ZYG11B: variants seen among roughly 807,000 people sequenced by gnomAD.
The protein encoded by ZYG11B is zyg-11 family member B, cell cycle regulator, also known as protein zyg-11 homolog B.
A neutral mutation model predicts 82.4 loss-of-function variants in ZYG11B; 36 were observed. The ratio of observed to expected loss-of-function variants is 0.44; its 90% CI spans 0.33 to 0.58. ZYG11B has a LOEUF of 0.58. Ranked by LOEUF, ZYG11B falls within the 20% of genes least tolerant of loss-of-function variation. ZYG11B has a pLI of 0.02. For synonymous variants in ZYG11B, 303 were observed against 312.8 expected, an observed-to-expected ratio of 0.97 and a Z score of 0.33; for missense variants, 552 against 895.6, an observed-to-expected ratio of 0.62 and a Z score of 4.90.
rs533387300 is a variant in ZYG11B, at chr1:52,772,334, T to A, written c.951+560T>A. The A allele has an allele frequency of 7.0e-5, 103 of 1,469,848 alleles. 1 individual carries two copies. The South Asian group carries it at 1.1e-3, about 16-fold the overall frequency. 91.1% of individuals were successfully genotyped at this position (1,469,848 alleles called of 1,614,324 possible). A position where few individuals can be genotyped will look rare whatever the true frequency, so the allele number is the denominator to read the frequency against. Reference sequence around the variant, plus strand: ...TGGAATTTAGCATCCTTATCCTTTCTGTTCCTCTCAAGATGCTTTGAACAG... The same window carrying A: ...TGGAATTTAGCATCCTTATCCTTTCAGTTCCTCTCAAGATGCTTTGAACAG... On this transcript the variant is annotated intron_variant, in intron 3 of 13. Coordinates refer to ENST00000294353, the MANE Select transcript of ZYG11B (RefSeq NM_024646.3).
chr1:52,770,826 C>A (rs1644743840), intron 2 of ZYG11B, among the ~76,000 whole-genome samples, 194 bp from the exon 3 acceptor site: 1 of 152,182 alleles, frequency 6.6e-6, no homozygotes, highest in Admixed American at 6.6e-5. Flanking sequence ...GCCCTGTGAT[C>A]TTGGAAAGCC....
intron 8 of ZYG11B, among the ~76,000 whole-genome samples, chr1:52,797,084 ATATT>A (rs1645021627): frequency 1.3e-5 from 1 of 77,092 alleles, no homozygotes; most frequent in Non-Finnish European, 2.0e-5. Flanking sequence ...TATATTGTAT[ATATT>A]TATATATTAC....
chr1:52,798,061 T>G (rs964561410), intron 8 of ZYG11B, among the ~76,000 whole-genome samples: 4 of 150,828 alleles, frequency 2.7e-5, no homozygotes, highest in African/African-American at 9.8e-5. Flanking sequence ...AGGTCAAGTC[T>G]GCAGTGAGCC....
intron 4 of ZYG11B, among the ~76,000 whole-genome samples, chr1:52,781,702 G>A (rs943079062): frequency 2.6e-5 from 4 of 152,200 alleles, no homozygotes; most frequent in African/African-American, 4.8e-5. Context: ...AATTCCAAGA[G>A]ATGGGTTTTA....
At position 52,726,730 on chromosome 1, in the gene ZYG11B, C is replaced by T. The variant is rs1201394329; in HGVS notation, c.30+47C>T. ...TAGCCGCAGCCGCCCGCCACCCTAG[C>T]CCCCGCCCGTCGCGCTGGCCCCTGC... On this transcript the variant is annotated intron_variant, in intron 1 of 13. Transcript: ENST00000294353. The T allele has an allele frequency of 4.9e-6, 7 of 1,435,842 alleles. No homozygotes were observed. The African/African-American group carries it at 6.0e-5, about 12-fold the overall frequency. The allele number at this position is 1,435,842 out of a possible 1,614,324, so 88.9% of individuals were successfully genotyped here.
At position 52,812,001 on chromosome 1, in the gene ZYG11B, A is replaced by G. The variant is rs943507142; in HGVS notation, c.1696-1535A>G. Among the ~76,000 whole-genome samples, 13 of 152,078 alleles carry G rather than the reference A, an allele frequency of 8.5e-5. No individual in the cohort carries two copies. The South Asian group carries it at 1.1e-3, about 13-fold the overall frequency. On this transcript the variant is annotated intron_variant, in intron 10 of 13. Transcript: ENST00000294353. ...AGCTGAGATCGCGCCACTGCACTCC[A>G]GCCTGGGCGAGAGCGAGACTCCATC...
chr1:52,789,985 C>G lies in ZYG11B; in HGVS notation c.1270-18C>G. On this transcript the variant is annotated intron_variant, in intron 5 of 13. Transcript: ENST00000294353. ...GTGATATTTTATTTAGGATTTTTTT[C>G]TTCCTTTGATTCTTTAGTTACAGAA... The G allele has an allele frequency of 2.0e-6, 3 of 1,497,332 alleles. No individual in the cohort carries two copies. The highest frequency in any genetic ancestry group is 2.9e-5 in the African/African-American group (2 of 70,008). 92.8% of individuals were successfully genotyped at this position (1,497,332 alleles called of 1,614,324 possible). A position where few individuals can be genotyped will look rare whatever the true frequency, so the allele number is the denominator to read the frequency against.
intron 10 of ZYG11B, among the ~76,000 whole-genome samples, chr1:52,803,887 G>A (rs1282590715): frequency 6.6e-6 from 1 of 152,108 alleles, no homozygotes. Flanking sequence ...TTACAGGCAT[G>A]AGCCACCACA....
At chr1:52,805,451 G>A (rs1395526591) in intron 10 of ZYG11B, 2 of 455,678 alleles carry the variant, frequency 4.4e-6, no homozygotes, top group Non-Finnish European at 8.8e-6. Context: ...ATAAATTACA[G>A]CATTTGATTG....
intron 1 of ZYG11B, among the ~76,000 whole-genome samples, chr1:52,740,476 C>T (rs1442478353): frequency 6.6e-6 from 1 of 152,100 alleles, no homozygotes; most frequent in African/African-American, 2.4e-5. Context: ...AAACAATTCC[C>T]CATAGTTTAT....
At chr1:52,783,610 CTTTT>C (rs1156857504) in intron 4 of ZYG11B, among the ~76,000 whole-genome samples, 3 of 131,550 alleles carry the variant, frequency 2.3e-5, no homozygotes, top group Admixed American at 7.7e-5. Context: ...TTCTTTCTTT[CTTTT>C]TTTTTTTTTT....
intron 1 of ZYG11B, among the ~76,000 whole-genome samples, chr1:52,735,375 C>G (rs1249657514): frequency 6.6e-6 from 1 of 152,152 alleles, no homozygotes; most frequent in Non-Finnish European, 1.5e-5. Flanking sequence ...GTCTTCAGCA[C>G]TTAAGTATTT....
In ZYG11B at chr1:52,771,308, C is replaced by G. The variant is rs748086617; in HGVS notation, c.485C>G (p.Ser162Cys). The change falls in exon 3 of 14, where the codon TCT (serine) becomes TGT (cysteine). Residue 162 changes from serine to cysteine, a missense_variant. Ser to Cys is a moderately radical substitution (Grantham distance 112, BLOSUM62 -1). Coordinates refer to ENST00000294353, the MANE Select transcript of ZYG11B (RefSeq NM_024646.3). This position sits in a 1 kb window ranked among gnomAD's most constrained non-coding sequence, Gnocchi z 5.4. Reference protein sequence around the residue: ...DPYERCFSRLSGLRALSITNV... With the variant: ...DPYERCFSRLCGLRALSITNV... ...TACGAGCGCTGCTTCAGCCGGCTTT[C>G]TGGCCTTCGAGCTTTAAGCATCACG... 8 of 1,614,116 alleles carry G rather than the reference C, an allele frequency of 5.0e-6. No homozygotes were observed. The African/African-American group carries it at 8.0e-5, about 16-fold the overall frequency.
intron 1 of ZYG11B, among the ~76,000 whole-genome samples, chr1:52,728,207 T>C (rs1169696170): frequency 6.6e-6 from 1 of 152,182 alleles, no homozygotes; most frequent in African/African-American, 2.4e-5. Context: ...CTGACTAATA[T>C]AAACTTAAAC....
intron 1 of ZYG11B, among the ~76,000 whole-genome samples, chr1:52,752,899 G>A (rs1278293018): frequency 2.0e-5 from 3 of 151,946 alleles, no homozygotes; most frequent in Non-Finnish European, 4.4e-5. Context: ...CCAGGCTGGA[G>A]TGCAGCAGCA....
At chr1:52,818,513 T>A (rs1382891718) in intron 13 of ZYG11B, among the ~76,000 whole-genome samples, 1 of 151,806 alleles carries the variant, frequency 6.6e-6, no homozygotes, top group Non-Finnish European at 1.5e-5. Context: ...GGGAAAATAG[T>A]CAAATGTAGA....
chr1:52,726,550 A>C lies in ZYG11B; in HGVS notation c.-104A>C, dbSNP rs1305761051. 1 of 1,186,920 alleles carries C rather than the reference A, an allele frequency of 8.4e-7. No homozygotes were observed. Among genetic ancestry groups the C allele is most frequent in the South Asian group, 2.2e-5 (1 of 45,292 alleles). The allele number at this position is 1,186,920 out of a possible 1,614,324, so 73.5% of individuals were successfully genotyped here. ...GGGAAAGAGGCCGAGGCCTGGGCCA[A>C]GCCCGGAGCCGCCGCTCGCCGGAGC... On this transcript the variant is annotated 5_prime_UTR_variant, in exon 1 of 14. Transcript: ENST00000294353.
intron 2 of ZYG11B, among the ~76,000 whole-genome samples, chr1:52,760,440 TAACGAC>T (rs753189784): frequency 5.3e-5 from 8 of 150,106 alleles, no homozygotes; most frequent in East Asian, 2.0e-4. Context: ...ATGAGACTCT[TAACGAC>T]AACAACAACA....
At chr1:52,796,524 A>C in intron 7 of ZYG11B, 133 bp downstream of exon 7, 3 of 934,710 alleles carry the variant, frequency 3.2e-6, no homozygotes, top group Non-Finnish European at 4.9e-6. Flanking sequence ...GCTACATTCG[A>C]TATTGCAGAA....
Sources: gnomAD v4.1 joint callset for allele counts (sites outside exome capture counted in the v4.1 genomes callset) on GRCh38, gnomAD v4.1.1 for gene constraint, Gnocchi (gnomAD v3.1) non-coding constraint, MANE v1.5 for transcripts, NCBI Gene and HGNC (gene_info 2026-07-23, HGNC 2026-07-21) for gene names.